The following PIR variants were observed in gnomAD, a reference collection of about 807,000 sequenced individuals.
PIR encodes the protein pirin (iron-binding nuclear protein).
A neutral mutation model predicts 24.2 loss-of-function variants in PIR; 22 were observed. The ratio of observed to expected loss-of-function variants is 0.91; its 90% CI spans 0.65 to 1.30. The LOEUF (loss-of-function observed/expected upper bound fraction) is 1.30, where lower values mean the gene tolerates loss of function less well. Among genes scored for constraint, PIR ranks in the 50% most tolerant of loss-of-function variants. The pLI, the probability that PIR is intolerant of heterozygous loss-of-function variation, is 0.00. For synonymous variants in PIR, 80 were observed against 79.6 expected (o/e 1.00, Z -0.03); for missense variants, 220 against 220.3 (o/e 1.00, Z 0.01).
chrX:15,464,560 G>A (rs1049079815), intron 3 of PIR: 2 of 306,331 alleles, frequency 6.5e-6, no homozygotes, highest in African/African-American at 5.8e-5. Flanking sequence ...CATATTACAT[G>A]TAGGACAATG....
chrX:15,406,216 G>A (rs1602249136), intron 7 of PIR, among the ~76,000 whole-genome samples: 1 of 112,429 alleles, frequency 8.9e-6, no homozygotes, highest in Admixed American at 9.4e-5. Context: ...ACCCATAACC[G>A]TCTGTGGGGA....
intron 5 of PIR, among the ~76,000 whole-genome samples, chrX:15,440,995 G>T (rs1262388370): frequency 8.9e-6 from 1 of 111,757 alleles, no homozygotes; most frequent in Non-Finnish European, 1.9e-5. Flanking sequence ...ACCAAAACCG[G>T]TATTGTGATA....
intron 3 of PIR, among the ~76,000 whole-genome samples, chrX:15,472,310 G>C (rs1392209820): frequency 8.9e-6 from 1 of 111,982 alleles, no homozygotes; most frequent in Non-Finnish European, 1.9e-5. Flanking sequence ...CTTGTCACCC[G>C]CTAACCTTCC....
chrX:15,478,382 C>G (rs190845669), intron 3 of PIR: 1 of 112,051 alleles, frequency 8.9e-6, no homozygotes, highest in Non-Finnish European at 1.9e-5. Context: ...TGGTGATATC[C>G]GAAAAGACCT....
intron 5 of PIR, among the ~76,000 whole-genome samples, chrX:15,442,118 A>G (rs1925935294): frequency 9.3e-6 from 1 of 107,497 alleles, no homozygotes; most frequent in Admixed American, 1.0e-4. Context: ...CCCTATGTTG[A>G]GCAAATCTAT....
In PIR at chrX:15,446,858, A is replaced by C. The variant is rs545674365; in HGVS notation, c.480+8990T>G. On this transcript the variant is annotated intron_variant, in intron 5 of 9. Coordinates refer to ENST00000380420, the MANE Select transcript of PIR (RefSeq NM_001018109.3). ...CCCTCAGTAAATGTTTGCTGAACTC[A>C]TCTCATTTTACTAAGCCAAAGGAAT... Among the ~76,000 whole-genome samples, 39 of 111,709 alleles carry C rather than the reference A, an allele frequency of 3.5e-4. No individual in the cohort carries two copies. The South Asian group carries it at 0.014, about 40-fold the overall frequency.
chrX:15,455,814 C>A (rs758821725), intron 5 of PIR, 34 bp downstream of exon 5: 21 of 1,106,739 alleles, frequency 1.9e-5, no homozygotes, highest in Non-Finnish European at 2.6e-5. Flanking sequence ...TCACTGCATG[C>A]CTCAGGTTAA....
At chrX:15,485,818 T>G (rs1922778805) in intron 2 of PIR, among the ~76,000 whole-genome samples, 1 of 112,458 alleles carries the variant, frequency 8.9e-6, no homozygotes, top group African/African-American at 3.2e-5. Flanking sequence ...TAGCAGGAAT[T>G]CAATAGCATG....
At chrX:15,467,738 A>G (rs929065890) in intron 3 of PIR, among the ~76,000 whole-genome samples, 1 of 111,641 alleles carries the variant, frequency 9.0e-6, no homozygotes, top group Admixed American at 9.5e-5. Context: ...CAAGTCTCCC[A>G]AACCTATTTT....
In PIR at chrX:15,390,237, G is replaced by T; in HGVS notation, c.708C>A (p.Ser236Arg). ...GCTCCCCAGCAATTAAGACAAAGTG[G>T]CTTCTCTTGGGATCCTAAAGTTAAC... ...VQVENKDPKRSHFVLIAGEPL... is the reference protein window; with the variant it reads ...VQVENKDPKRRHFVLIAGEPL... Residue 236 changes from serine (S) to arginine (R), a missense_variant, in exon 9 of 10, where the codon AGC (serine) becomes AGA (arginine). Physicochemically the swap from Ser to Arg is moderately radical, Grantham distance 110. Transcript: ENST00000380420. 1 of 1,136,275 alleles carries T rather than the reference G, an allele frequency of 8.8e-7. No individual in the cohort carries two copies. The highest frequency in any genetic ancestry group is 1.2e-6 in the Non-Finnish European group (1 of 837,696). The allele number at this position is 1,136,275 out of a possible 1,213,427, so 93.6% of individuals were successfully genotyped here.
intron 5 of PIR, among the ~76,000 whole-genome samples, chrX:15,433,029 A>T (rs773031820): frequency 1.1e-3 from 127 of 112,458 alleles, no homozygotes; most frequent in African/African-American, 3.9e-3. Context: ...GGAGAACAAG[A>T]CTTCAACTTT....
intron 8 of PIR, among the ~76,000 whole-genome samples, chrX:15,395,757 T>C (rs1924112095): frequency 8.9e-6 from 1 of 112,661 alleles, no homozygotes; most frequent in Non-Finnish European, 1.9e-5. Context: ...ATTGTGTGGA[T>C]ATAAGTGACA....
intron 5 of PIR, among the ~76,000 whole-genome samples, chrX:15,434,208 A>G (rs192455376): frequency 1.0e-5 from 1 of 96,881 alleles, no homozygotes; most frequent in East Asian, 3.7e-4. Context: ...AAGAAGGAGG[A>G]GGAGAAAGAA....
chrX:15,397,096 C>T (rs1449028701), intron 8 of PIR, among the ~76,000 whole-genome samples: 1 of 112,224 alleles, frequency 8.9e-6, no homozygotes, highest in East Asian at 2.8e-4. Context: ...ATTTATATTT[C>T]TACTTCTATA....
At chrX:15,459,986 G>T (rs1921236467) in intron 3 of PIR, among the ~76,000 whole-genome samples, 1 of 109,184 alleles carries the variant, frequency 9.2e-6, no homozygotes, top group African/African-American at 3.3e-5. Context: ...ATGGCCAACA[G>T]GTATATGAAA....
chrX:15,396,982 C>T (rs1218682182), intron 8 of PIR, among the ~76,000 whole-genome samples: 2 of 111,908 alleles, frequency 1.8e-5, no homozygotes, highest in Admixed American at 9.4e-5. Flanking sequence ...CATCGTGATC[C>T]GCCCGCCTCG....
At chrX:15,397,887 T>C (rs1459388911) in intron 7 of PIR, among the ~76,000 whole-genome samples, 1 of 112,305 alleles carries the variant, frequency 8.9e-6, no homozygotes, top group Non-Finnish European at 1.9e-5. Flanking sequence ...TTAATTCATT[T>C]CCACAAGTAT....
chrX:15,400,509 T>C (rs1421575377), intron 7 of PIR, among the ~76,000 whole-genome samples: 1 of 111,391 alleles, frequency 9.0e-6, no homozygotes, highest in Non-Finnish European at 1.9e-5. Context: ...TGCTCAAAAA[T>C]AATGCTGAAT....
At chrX:15,400,882 G>T (rs758502368) in intron 7 of PIR, among the ~76,000 whole-genome samples, 1 of 108,289 alleles carries the variant, frequency 9.2e-6, no homozygotes, top group South Asian at 4.1e-4. Context: ...GGGACTACAG[G>T]CATGTGCCAC....
Sources: allele counts gnomAD v4.1 joint callset (sites outside exome capture counted in the v4.1 genomes callset), GRCh38; gene constraint gnomAD v4.1.1; transcripts MANE v1.5; gene names NCBI Gene and HGNC (gene_info 2026-07-23, HGNC 2026-07-21).